The following ATP10B variants were observed in gnomAD, a reference collection of about 807,000 sequenced individuals.
ATP10B encodes the protein phospholipid-transporting ATPase VB.
ATP10B carries 122 observed loss-of-function variants against 141.2 expected under a neutral mutation model. The observed-to-expected ratio is 0.86, with a 90% confidence interval of 0.75 to 1.00. ATP10B has a LOEUF of 1.00. Among genes scored for constraint, ATP10B ranks in the 50% least tolerant of loss-of-function variants. The pLI, the probability that ATP10B is intolerant of heterozygous loss-of-function variation, is 0.00. For missense variants in ATP10B, 1,876 were observed against 1,825.3 expected, an observed-to-expected ratio of 1.03 and a Z score of -0.51; for synonymous variants, 685 against 692.0, an observed-to-expected ratio of 0.99 and a Z score of 0.16.
At chr5:160,576,577 C>T (rs934485856) in intron 24 of ATP10B, among the ~76,000 whole-genome samples, 2 of 152,150 alleles carry the variant, frequency 1.3e-5, no homozygotes, top group Non-Finnish European at 2.9e-5. Flanking sequence ...AGAGAAATCA[C>T]AAGACACAAT....
chr5:160,747,072 A>G (rs1165519819), intron 2 of ATP10B, among the ~76,000 whole-genome samples: 3 of 152,312 alleles, frequency 2.0e-5, no homozygotes, highest in Non-Finnish European at 4.4e-5. Context: ...TTGGCTTCTC[A>G]TTTGATCTGG....
chr5:160,694,446 C>T (rs1764249843), intron 3 of ATP10B, among the ~76,000 whole-genome samples: 1 of 152,224 alleles, frequency 6.6e-6, no homozygotes, highest in East Asian at 1.9e-4. Flanking sequence ...TGATAATCCT[C>T]TCAAGCACCA....
At chr5:160,877,043 A>G in the ATP10B span, among the ~76,000 whole-genome samples, 10 of 152,142 alleles carry the variant, frequency 6.6e-5, no homozygotes, top group African/African-American at 2.4e-4. Flanking sequence ...TTATGAGGCC[A>G]GCATCATTCT....
At chr5:160,614,494 T>C (rs1226048962) in intron 17 of ATP10B, 2 of 152,244 alleles carry the variant, frequency 1.3e-5, no homozygotes, top group Admixed American at 1.3e-4. Context: ...GGGATGACTT[T>C]CTGGTGGCAT....
At chr5:160,894,547 G>C in the ATP10B span, among the ~76,000 whole-genome samples, 4 of 152,204 alleles carry the variant, frequency 2.6e-5, no homozygotes, top group African/African-American at 9.6e-5. Context: ...AGAAATATGG[G>C]AGTACGTGAA....
At chr5:160,623,212 A>T (rs946343087) in intron 13 of ATP10B, among the ~76,000 whole-genome samples, 1 of 152,180 alleles carries the variant, frequency 6.6e-6, no homozygotes, top group Non-Finnish European at 1.5e-5. Context: ...TCCTACCTAG[A>T]CTTCAATAAC....
At chr5:160,647,771 C>T (rs1760399500) in intron 8 of ATP10B, among the ~76,000 whole-genome samples, 1 of 152,104 alleles carries the variant, frequency 6.6e-6, no homozygotes, top group Non-Finnish European at 1.5e-5. Flanking sequence ...AGGCCTTTTC[C>T]CCAGGACCTC....
chr5:160,914,383 C>T, the ATP10B span, among the ~76,000 whole-genome samples: 1 of 152,244 alleles, frequency 6.6e-6, no homozygotes, highest in African/African-American at 2.4e-5. Flanking sequence ...CTAGGCCCCC[C>T]GATTCCCTGT....
intron 3 of ATP10B, among the ~76,000 whole-genome samples, chr5:160,697,610 G>A (rs1764447236): frequency 1.3e-5 from 2 of 151,376 alleles, no homozygotes; most frequent in African/African-American, 4.9e-5. Flanking sequence ...GTGGGGTGGG[G>A]TGGGGATTGT....
At chr5:160,855,672 TC>T (rs1325968351), upstream of ATP10B, among the ~76,000 whole-genome samples, 1 of 151,922 alleles carries the variant, frequency 6.6e-6, no homozygotes, top group African/African-American at 2.4e-5. Context: ...TTTGCATACT[TC>T]TAAATCTTAA....
At chr5:160,894,245 C>T in the ATP10B span, among the ~76,000 whole-genome samples, 1 of 151,958 alleles carries the variant, frequency 6.6e-6, no homozygotes, top group African/African-American at 2.4e-5. Flanking sequence ...TGGGTAATAA[C>T]AAACTCCTCC....
At chr5:160,829,494 T>C (rs1386012950) in intron 1 of ATP10B, among the ~76,000 whole-genome samples, 3 of 152,148 alleles carry the variant, frequency 2.0e-5, no homozygotes, top group Non-Finnish European at 4.4e-5. Context: ...CCTAATTCTG[T>C]GAAGAGTGAC....
chr5:160,832,522 T>C (rs1037871418), intron 1 of ATP10B, among the ~76,000 whole-genome samples: 2 of 152,028 alleles, frequency 1.3e-5, no homozygotes, highest in African/African-American at 4.8e-5. Flanking sequence ...CTGAAACAAA[T>C]GAATGAATAA....
intron 2 of ATP10B, among the ~76,000 whole-genome samples, chr5:160,765,953 A>G (rs923717853): frequency 1.3e-5 from 2 of 152,202 alleles, no homozygotes; most frequent in Non-Finnish European, 2.9e-5. Context: ...TACATGAAAA[A>G]ATGCTCAACA....
the ATP10B span, among the ~76,000 whole-genome samples, chr5:160,924,909 G>T: frequency 6.6e-6 from 1 of 152,166 alleles, no homozygotes; most frequent in African/African-American, 2.4e-5. Flanking sequence ...TTACCTCAAG[G>T]CTTGTGTGGT....
At chr5:160,723,756 T>A (rs1379447296) in intron 2 of ATP10B, among the ~76,000 whole-genome samples, 1 of 152,208 alleles carries the variant, frequency 6.6e-6, no homozygotes, top group African/African-American at 2.4e-5. Flanking sequence ...ACTACCCTGA[T>A]CCAGGTCACC....
chr5:160,882,473 G>A, the ATP10B span, among the ~76,000 whole-genome samples: 9 of 151,974 alleles, frequency 5.9e-5, no homozygotes, highest in African/African-American at 1.2e-4. Flanking sequence ...GTAGAGATGG[G>A]GTCTGGCCAT....
the ATP10B span, among the ~76,000 whole-genome samples, chr5:160,912,930 AAG>A: frequency 6.6e-6 from 1 of 152,174 alleles, no homozygotes; most frequent in African/African-American, 2.4e-5. Flanking sequence ...TACTGCAAAG[AAG>A]AGAGAATGGT....
chr5:160,717,974 G>C (rs373120886), intron 2 of ATP10B, among the ~76,000 whole-genome samples: 19 of 152,334 alleles, frequency 1.2e-4, no homozygotes, highest in Admixed American at 6.5e-5. Context: ...CCTGTACTTG[G>C]TGGGATCTCA....
Sources: gnomAD v4.1 joint callset for allele counts (sites outside exome capture counted in the v4.1 genomes callset) on GRCh38, gnomAD v4.1.1 for gene constraint, MANE v1.5 for transcripts, NCBI Gene and HGNC (gene_info 2026-07-23, HGNC 2026-07-21) for gene names.